KLF12: variants seen among roughly 807,000 people sequenced by gnomAD.
KLF12 encodes KLF transcription factor 12.
In KLF12, 9 loss-of-function variants were observed where a neutral mutation model predicts 37.8. The observed-to-expected ratio is 0.24, with a 90% confidence interval of 0.14 to 0.42. The LOEUF (loss-of-function observed/expected upper bound fraction) is 0.42, where lower values mean the gene tolerates loss of function less well. Ranked by LOEUF, KLF12 falls within the 10% of genes least tolerant of loss-of-function variation. The pLI is 1.00. For synonymous variants in KLF12, 208 were observed against 202.1 expected, an observed-to-expected ratio of 1.03 and a Z score of -0.25; for missense variants, 411 against 516.0, an observed-to-expected ratio of 0.80 and a Z score of 1.97.
chr13:74,305,485 A>T, the KLF12 span, among the ~76,000 whole-genome samples: 1 of 152,064 alleles, frequency 6.6e-6, no homozygotes, highest in Non-Finnish European at 1.5e-5. Flanking sequence ...ATTGGAAAAA[A>T]TATTAGTGTG....
chr13:73,803,957 C>T (rs953209678), intron 5 of KLF12, among the ~76,000 whole-genome samples: 6 of 152,102 alleles, frequency 3.9e-5, no homozygotes, highest in East Asian at 3.9e-4. Flanking sequence ...TTCCTTAAGA[C>T]GAATATCTGT....
At chr13:74,149,274 T>C in the KLF12 span, among the ~76,000 whole-genome samples, 1 of 152,226 alleles carries the variant, frequency 6.6e-6, no homozygotes, top group African/African-American at 2.4e-5. Context: ...TCTATAGCTA[T>C]ACTCATGTGT....
intron 2 of KLF12, among the ~76,000 whole-genome samples, chr13:73,979,084 G>C (rs1418554161): frequency 1.3e-5 from 2 of 152,190 alleles, no homozygotes; most frequent in African/African-American, 4.8e-5. Flanking sequence ...AACTATATCA[G>C]AGGATATGTA....
chr13:74,260,313 T>G, the KLF12 span, among the ~76,000 whole-genome samples: 2 of 151,960 alleles, frequency 1.3e-5, no homozygotes, highest in Non-Finnish European at 2.9e-5. Context: ...CCCAGTACTT[T>G]GGGAGGCTGA....
chr13:74,090,677 G>A (rs4531615), intron 1 of KLF12, among the ~76,000 whole-genome samples: 29,442 of 151,832 alleles, frequency 0.19, 3,003 homozygotes, highest in African/African-American at 0.27. Context: ...GAGGTCTGTC[G>A]CCTGTTTTTT....
At chr13:74,038,312 A>C (rs1293053226) in intron 1 of KLF12, among the ~76,000 whole-genome samples, 2 of 152,224 alleles carry the variant, frequency 1.3e-5, no homozygotes, top group African/African-American at 2.4e-5. Context: ...AAACACTGTT[A>C]GACATACATG....
intron 2 of KLF12, among the ~76,000 whole-genome samples, chr13:73,977,728 G>T (rs1891571695): frequency 1.3e-5 from 2 of 152,160 alleles, no homozygotes; most frequent in African/African-American, 4.8e-5. Flanking sequence ...TTACTATAAA[G>T]CTACAGTAAT....
At chr13:74,171,414 C>T in the KLF12 span, among the ~76,000 whole-genome samples, 10 of 152,196 alleles carry the variant, frequency 6.6e-5, no homozygotes, top group South Asian at 1.0e-3. Context: ...AGGCAGTGAG[C>T]GGAGGGACTC....
the KLF12 span, among the ~76,000 whole-genome samples, chr13:74,228,747 C>T: frequency 1.7e-4 from 26 of 152,014 alleles, no homozygotes; most frequent in African/African-American, 9.6e-5. Context: ...ACCCCCAAGT[C>T]AGGACACTGG....
chr13:73,813,171 T>C lies in KLF12; in HGVS notation c.787A>G (p.Ile263Val), dbSNP rs1883032219. ...ACTTACTCTTGTACTGCTCTGGCTA[T>C]GGAAAGGGCCGTAGATCCAGTTTCA... The change falls in exon 5 of 8, where the codon ATA (isoleucine) becomes GTA (valine). Residue 263 changes from isoleucine (I) to valine (V), a missense_variant. By Grantham distance (29) the Ile-to-Val change is conservative. Around this residue, in one of 2 missense-constraint regions of KLF12, gnomAD observed 351 missense variants for 397.8 expected, o/e 0.88. Coordinates refer to ENST00000377669, the MANE Select transcript of KLF12 (RefSeq NM_007249.5). 1.9e-6 allele frequency: 3 copies of C among 1,613,938 alleles called. No individual in the cohort carries two copies. Among genetic ancestry groups the C allele is most frequent in the Non-Finnish European group, 1.7e-6 (2 of 1,179,936 alleles).
chr13:74,249,437 C>T, the KLF12 span, among the ~76,000 whole-genome samples: 10 of 151,422 alleles, frequency 6.6e-5, no homozygotes, highest in Non-Finnish European at 1.2e-4. Context: ...AGCTGGGCCC[C>T]GGTGCCTTGG....
intron 1 of KLF12, among the ~76,000 whole-genome samples, chr13:74,122,198 G>T (rs1266998655): frequency 6.6e-6 from 1 of 152,010 alleles, no homozygotes; most frequent in Non-Finnish European, 1.5e-5. Flanking sequence ...TCAGGCAGAT[G>T]GTTAGTGGCT....
the KLF12 span, among the ~76,000 whole-genome samples, chr13:74,139,670 A>T: frequency 6.6e-6 from 1 of 152,180 alleles, no homozygotes; most frequent in Non-Finnish European, 1.5e-5. Context: ...TATTAAAATT[A>T]GATAGCATTC....
At chr13:74,088,427 C>T (rs1479873108) in intron 1 of KLF12, among the ~76,000 whole-genome samples, 1 of 152,062 alleles carries the variant, frequency 6.6e-6, no homozygotes, top group East Asian at 1.9e-4. Flanking sequence ...GGCATTTCAC[C>T]ATGTTGGCCA....
chr13:74,062,126 C>A (rs1698199594), intron 1 of KLF12, among the ~76,000 whole-genome samples: 1 of 152,140 alleles, frequency 6.6e-6, no homozygotes, highest in Non-Finnish European at 1.5e-5. Context: ...TGAATTCTGG[C>A]AGCTTTCATA....
intron 3 of KLF12, among the ~76,000 whole-genome samples, chr13:73,915,762 G>A (rs905225873): frequency 7.0e-6 from 1 of 142,618 alleles, no homozygotes; most frequent in East Asian, 2.1e-4. Flanking sequence ...TTGATCTCCT[G>A]ACCTCGTGAT....
chr13:74,041,636 G>C (rs1893403409), intron 1 of KLF12, among the ~76,000 whole-genome samples: 1 of 149,890 alleles, frequency 6.7e-6, no homozygotes, highest in Non-Finnish European at 1.5e-5. Context: ...TCAGCGTAAT[G>C]AAAGAGAAAT....
intron 1 of KLF12, among the ~76,000 whole-genome samples, chr13:74,012,358 G>A (rs554383176): frequency 2.6e-4 from 40 of 152,292 alleles, no homozygotes; most frequent in African/African-American, 9.1e-4. Flanking sequence ...CTATTAAAAC[G>A]AAAAGAGTCC....
At chr13:74,173,488 T>A in the KLF12 span, among the ~76,000 whole-genome samples, 44 of 152,234 alleles carry the variant, frequency 2.9e-4, no homozygotes, top group African/African-American at 1.0e-3. Context: ...GCTGGGCTCC[T>A]AAAACCACCA....
Sources: allele counts gnomAD v4.1 joint callset (sites outside exome capture counted in the v4.1 genomes callset), GRCh38; gene constraint gnomAD v4.1.1; regional missense constraint gnomAD v4.1.1; transcripts MANE v1.5; gene names NCBI Gene and HGNC (gene_info 2026-07-23, HGNC 2026-07-21).